The following ACTR2 variants were observed in gnomAD, a reference collection of about 807,000 sequenced individuals.
The protein encoded by ACTR2 is actin related protein 2.
ACTR2 carries 5 observed loss-of-function variants against 50.2 expected under a neutral mutation model. The observed-to-expected ratio is 0.10, with a 90% confidence interval of 0.05 to 0.21. The LOEUF (loss-of-function observed/expected upper bound fraction) is 0.21. Ranked by LOEUF, ACTR2 falls within the 10% of genes least tolerant of loss-of-function variation. The pLI is 1.00. For missense variants in ACTR2, 180 were observed against 480.6 expected (o/e 0.37, Z 5.85); for synonymous variants, 140 against 162.9 (o/e 0.86, Z 1.07).
chr2:65,246,487 C>A, intron 2 of ACTR2, 37 bp from the exon 3 acceptor site: 3 of 1,407,110 alleles, frequency 2.1e-6, no homozygotes, highest in African/African-American at 1.5e-5. Context: ...AAATATTATG[C>A]AAAACTTTGA....
At chr2:65,236,553 G>A (rs1558620540) in intron 1 of ACTR2, among the ~76,000 whole-genome samples, 1 of 151,636 alleles carries the variant, frequency 6.6e-6, no homozygotes, top group Admixed American at 6.6e-5. Context: ...TTTTGTTGTT[G>A]GTTTTTTGTT....
intron 1 of ACTR2, chr2:65,228,161 C>T (rs1005731957): frequency 1.1e-5 from 5 of 440,550 alleles, no homozygotes; most frequent in African/African-American, 8.3e-5. Flanking sequence ...TAGCCTGCCA[C>T]CCCCTCACCC....
intron 1 of ACTR2, among the ~76,000 whole-genome samples, chr2:65,238,655 TAAA>T (rs34932093): frequency 9.3e-5 from 10 of 107,856 alleles, no homozygotes; most frequent in Admixed American, 1.1e-4. Flanking sequence ...CGAGACTGTC[TAAA>T]AAAAAAAAAA....
At chr2:65,266,083 T>TC (rs1296937447) in intron 8 of ACTR2, among the ~76,000 whole-genome samples, 2 of 152,264 alleles carry the variant, frequency 1.3e-5, no homozygotes, top group Non-Finnish European at 2.9e-5. Context: ...GGTGATCATT[T>TC]ATTCAGCAAA....
intron 1 of ACTR2, among the ~76,000 whole-genome samples, chr2:65,235,400 A>G (rs1671721358): frequency 6.6e-6 from 1 of 152,320 alleles, no homozygotes; most frequent in East Asian, 1.9e-4. Flanking sequence ...CCAAGGGGAA[A>G]TAGCTGTGAG....
intron 2 of ACTR2, among the ~76,000 whole-genome samples, chr2:65,244,869 G>A (rs1374450322): frequency 6.6e-6 from 1 of 150,940 alleles, no homozygotes; most frequent in Non-Finnish European, 1.5e-5. Context: ...TGAGCCTGGG[G>A]AGGTTGAGGC....
At chr2:65,267,853 G>A (rs1214573972) in intron 8 of ACTR2, among the ~76,000 whole-genome samples, 1 of 118,720 alleles carries the variant, frequency 8.4e-6, no homozygotes, top group Non-Finnish European at 1.9e-5. Context: ...AAGAAGTCAT[G>A]CAAGTCCTCT....
At chr2:65,228,039 G>C (rs1304754644) in intron 1 of ACTR2, 82 bp downstream of exon 1, 2 of 1,338,164 alleles carry the variant, frequency 1.5e-6, no homozygotes, top group East Asian at 3.1e-5. Context: ...CGGCCCCCAG[G>C]GCTGCACCTC....
intron 1 of ACTR2, among the ~76,000 whole-genome samples, chr2:65,230,536 C>T (rs1157582843): frequency 2.6e-5 from 4 of 151,086 alleles, no homozygotes; most frequent in Non-Finnish European, 4.4e-5. Flanking sequence ...TTCAGCCTCC[C>T]GAGTAGCTGG....
chr2:65,270,988 A>T lies in ACTR2; in HGVS notation c.*2254A>T, dbSNP rs1041764109. 2 of 152,174 alleles carry T rather than the reference A, an allele frequency of 1.3e-5. No homozygotes were observed. Among genetic ancestry groups the T allele is most frequent in the African/African-American group, 2.4e-5 (1 of 41,452 alleles). 9.4% of individuals were successfully genotyped at this position (152,174 alleles called of 1,614,324 possible). A position where few individuals can be genotyped will look rare whatever the true frequency, so the allele number is the denominator to read the frequency against. On this transcript the variant is annotated 3_prime_UTR_variant, in exon 9 of 9. Coordinates refer to ENST00000260641, the MANE Select transcript of ACTR2 (RefSeq NM_005722.4). ...TTAAATTTCCAATAATTAAAAATTT[A>T]AAATTTTTAAATTAGAATTGCCAAT...
At chr2:65,248,874 A>G (rs553947783) in intron 3 of ACTR2, among the ~76,000 whole-genome samples, 4 of 152,134 alleles carry the variant, frequency 2.6e-5, no homozygotes, top group African/African-American at 9.7e-5. Context: ...TTAGCTGGGC[A>G]TAGTGGTGCA....
chr2:65,235,273 T>C (rs1394091023), intron 1 of ACTR2, among the ~76,000 whole-genome samples: 1 of 152,096 alleles, frequency 6.6e-6, no homozygotes, highest in Non-Finnish European at 1.5e-5. Context: ...TAGTTTTTCC[T>C]CCATGTCTTA....
intron 3 of ACTR2, among the ~76,000 whole-genome samples, chr2:65,250,086 C>T (rs1186882191): frequency 8.5e-5 from 13 of 152,230 alleles, no homozygotes; most frequent in African/African-American, 1.7e-4. Context: ...ATTTCCCGGC[C>T]GGGTGCGGTG....
intron 1 of ACTR2, chr2:65,228,317 G>A (rs1227547754): frequency 8.3e-6 from 2 of 241,780 alleles, no homozygotes; most frequent in East Asian, 7.8e-5. Context: ...TCCGAGAAGG[G>A]CTCTTTTCCC....
At chr2:65,260,203 A>T (rs577801113) in intron 6 of ACTR2, among the ~76,000 whole-genome samples, 1 of 152,210 alleles carries the variant, frequency 6.6e-6, no homozygotes, top group African/African-American at 2.4e-5. Flanking sequence ...TGATGAAATA[A>T]AATTATTTAA....
chr2:65,266,902 A>G (rs1017217838), intron 8 of ACTR2, among the ~76,000 whole-genome samples: 3 of 152,196 alleles, frequency 2.0e-5, no homozygotes, highest in African/African-American at 7.2e-5. Context: ...GTCTGTAGGA[A>G]TCTGTAGATG....
chr2:65,257,338 C>T (rs544064697), intron 6 of ACTR2, among the ~76,000 whole-genome samples: 49 of 152,272 alleles, frequency 3.2e-4, no homozygotes, highest in African/African-American at 1.2e-3. Context: ...TTTTCTTTAT[C>T]CAGTCTAACG....
intron 6 of ACTR2, among the ~76,000 whole-genome samples, chr2:65,257,322 G>A (rs1244946777): frequency 2.0e-5 from 3 of 151,740 alleles, no homozygotes; most frequent in African/African-American, 7.2e-5. Flanking sequence ...GTGTATATGT[G>A]CCACATTTTC....
intron 4 of ACTR2, among the ~76,000 whole-genome samples, chr2:65,251,985 C>T (rs1054174934): frequency 4.0e-5 from 6 of 151,464 alleles, no homozygotes; most frequent in Non-Finnish European, 7.4e-5. Flanking sequence ...ATGTCTGGGC[C>T]TGTCAGATAT....
Sources: gnomAD v4.1 joint callset for allele counts (sites outside exome capture counted in the v4.1 genomes callset) on GRCh38, gnomAD v4.1.1 for gene constraint, MANE v1.5 for transcripts, NCBI Gene and HGNC (gene_info 2026-07-23, HGNC 2026-07-21) for gene names.